The following TMEM132B variants were observed in gnomAD, a reference collection of about 807,000 sequenced individuals.
TMEM132B encodes transmembrane protein 132B.
In TMEM132B, 18 loss-of-function variants were observed where a neutral mutation model predicts 90.8. The ratio of observed to expected loss-of-function variants is 0.20; its 90% CI spans 0.14 to 0.29. The LOEUF (loss-of-function observed/expected upper bound fraction) is 0.29, where lower values mean the gene tolerates loss of function less well. TMEM132B is among the 10% of genes least tolerant of loss of function. TMEM132B has a pLI of 1.00. For missense variants in TMEM132B, 1,096 were observed against 1,326.8 expected (o/e 0.83, Z 2.70); for synonymous variants, 504 against 523.3 (o/e 0.96, Z 0.50).
chr12:125,354,282 G>A (rs551945345), intron 2 of TMEM132B, among the ~76,000 whole-genome samples: 2 of 152,348 alleles, frequency 1.3e-5, no homozygotes, highest in Admixed American at 6.5e-5. Flanking sequence ...GCCCATAGAG[G>A]TGTGCCTTAT....
At chr12:125,602,400 A>G (rs1383016275) in intron 5 of TMEM132B, among the ~76,000 whole-genome samples, 1 of 152,236 alleles carries the variant, frequency 6.6e-6, no homozygotes, top group Non-Finnish European at 1.5e-5. Context: ...AATGCCTTCG[A>G]TAAAACTCAG....
chr12:125,392,663 C>T (rs1427480620), intron 2 of TMEM132B, among the ~76,000 whole-genome samples: 1 of 152,200 alleles, frequency 6.6e-6, no homozygotes, highest in African/African-American at 2.4e-5. Context: ...CAAGAAAACC[C>T]ACGTGGCTGA....
intron 2 of TMEM132B, among the ~76,000 whole-genome samples, chr12:125,365,300 G>A (rs538817522): frequency 5.9e-5 from 9 of 151,992 alleles, no homozygotes; most frequent in Admixed American, 3.9e-4. Flanking sequence ...TCCATAAAAT[G>A]TAGATAGTAG....
At position 125,406,112 on chromosome 12, in the gene TMEM132B, G is replaced by C; in HGVS notation, c.960-9419G>C. ...GGCTGTTTGGTTAACTCAAACGTTA[G>C]TAGATATGCTTAACTAGATCTTTTT... On this transcript the variant is annotated intron_variant, in intron 2 of 8. Transcript: ENST00000682704. The surrounding 1 kb of genome is among the most constrained non-coding windows in gnomAD (Gnocchi z 8.3). 6.6e-6 allele frequency among the ~76,000 whole-genome samples: 1 copy of C among 152,170 alleles called. No homozygotes were observed. The highest frequency in any genetic ancestry group is 1.9e-4 in the East Asian group (1 of 5,192).
chr12:125,502,026 G>C (rs145450302), intron 3 of TMEM132B, among the ~76,000 whole-genome samples: 1 of 152,182 alleles, frequency 6.6e-6, no homozygotes, highest in Non-Finnish European at 1.5e-5. Context: ...ACATATGCAC[G>C]CACGAATGCA....
chr12:125,660,554 CAAAA>C lies in TMEM132B; in HGVS notation c.*5850_*5853del, dbSNP rs11435422. 6.7e-6 allele frequency: 1 copy of C among 149,776 alleles called. No individual in the cohort carries two copies. The highest frequency in any genetic ancestry group is 1.5e-5 in the Non-Finnish European group (1 of 67,422). 9.3% of individuals were successfully genotyped at this position (149,776 alleles called of 1,614,324 possible). On this transcript the variant is annotated 3_prime_UTR_variant, in exon 9 of 9. Coordinates refer to ENST00000682704, the MANE Select transcript of TMEM132B (RefSeq NM_001366854.1). ...TTGCTTTTAGAAATTTTTAAAAATA[CAAAA>C]AAAAAGCGCAGAAACATTTTCATCT... is the stretch of plus-strand genomic sequence containing the variant.
At chr12:125,259,466 G>A (rs747647998) in intron 1 of TMEM132B, among the ~76,000 whole-genome samples, 4 of 152,162 alleles carry the variant, frequency 2.6e-5, no homozygotes, top group Non-Finnish European at 4.4e-5. Flanking sequence ...GCCCAGCAAT[G>A]TCGTCAGCCT....
intron 2 of TMEM132B, among the ~76,000 whole-genome samples, chr12:125,399,737 C>T (rs1879262433): frequency 6.6e-6 from 1 of 152,100 alleles, no homozygotes; most frequent in African/African-American, 2.4e-5. Context: ...CAACAGGCAG[C>T]TCTGGGGTAA....
intron 5 of TMEM132B, among the ~76,000 whole-genome samples, chr12:125,630,783 C>T (rs549877009): frequency 1.3e-5 from 2 of 152,032 alleles, no homozygotes; most frequent in African/African-American, 4.8e-5. Context: ...TTGTTCCCTT[C>T]TTTGCGTACA....
intron 2 of TMEM132B, among the ~76,000 whole-genome samples, chr12:125,389,057 A>C (rs1028024554): frequency 2.9e-4 from 35 of 119,642 alleles, no homozygotes; most frequent in South Asian, 1.1e-3. Flanking sequence ...CACACACACA[A>C]ACACACAAGA....
At chr12:125,361,860 G>C (rs1222265858) in intron 2 of TMEM132B, among the ~76,000 whole-genome samples, 1 of 152,214 alleles carries the variant, frequency 6.6e-6, no homozygotes, top group East Asian at 1.9e-4. Flanking sequence ...TGCTTGAAGA[G>C]CCTGTGCACA....
At chr12:125,602,018 G>A (rs1470152285) in intron 5 of TMEM132B, among the ~76,000 whole-genome samples, 4 of 152,146 alleles carry the variant, frequency 2.6e-5, no homozygotes, top group Admixed American at 6.5e-5. Flanking sequence ...ATTCACAGCC[G>A]AATTCTACCA....
At chr12:125,310,645 G>C (rs1876100843) in intron 1 of TMEM132B, among the ~76,000 whole-genome samples, 1 of 152,180 alleles carries the variant, frequency 6.6e-6, no homozygotes, top group African/African-American at 2.4e-5. Context: ...CCGTGGGGCT[G>C]TCTCTCAGTG....
chr12:125,551,515 T>C (rs981158645), intron 4 of TMEM132B, among the ~76,000 whole-genome samples: 4 of 152,154 alleles, frequency 2.6e-5, no homozygotes, highest in Non-Finnish European at 4.4e-5. Flanking sequence ...TAAAGAAGAA[T>C]GAAATAAAAA....
chr12:125,209,324 C>T lies in TMEM132B; in HGVS notation c.67+22458C>T, dbSNP rs1258037034. On this transcript the variant is annotated intron_variant, in intron 1 of 8. Transcript: ENST00000682704. This position sits in a 1 kb window ranked among gnomAD's most constrained non-coding sequence, Gnocchi z 4.4. The stretch of plus-strand genomic sequence containing the variant: ...GGGCAGAGGCTCGCGGATGGACCGC[C>T]CCAGGGGATGGTGCAGTGGGCTTGC... Among the ~76,000 whole-genome samples the T allele has an allele frequency of 1.3e-5, 2 of 152,190 alleles. No individual in the cohort carries two copies. The highest frequency in any genetic ancestry group is 2.9e-5 in the Non-Finnish European group (2 of 68,022).
Position 125,363,464 on chromosome 12 carries a change from G to C in TMEM132B, c.959+13121G>C, listed in dbSNP as rs373136713. Among the ~76,000 whole-genome samples, 25 of 152,262 alleles carry C rather than the reference G, an allele frequency of 1.6e-4. No individual in the cohort carries two copies. In the South Asian group the frequency reaches 2.7e-3, roughly 16 times the overall value. Reference sequence around the variant, plus strand: ...TGAAGGTCTAGGGGCAAGCAGTGTGGGGTCTGCCTCCCCGTTGGAAATTTA... The same window carrying C: ...TGAAGGTCTAGGGGCAAGCAGTGTGCGGTCTGCCTCCCCGTTGGAAATTTA... On this transcript the variant is annotated intron_variant, in intron 2 of 8. Transcript: ENST00000682704.
intron 2 of TMEM132B, among the ~76,000 whole-genome samples, chr12:125,386,701 A>C (rs1269611378): frequency 6.6e-6 from 1 of 152,118 alleles, no homozygotes; most frequent in Non-Finnish European, 1.5e-5. Context: ...AAGTGCAAAG[A>C]CTCTGAGATG....
intron 2 of TMEM132B, among the ~76,000 whole-genome samples, chr12:125,404,785 A>G (rs1437289369): frequency 2.0e-5 from 3 of 152,176 alleles, no homozygotes; most frequent in Middle Eastern, 6.3e-3. Context: ...CCTTCCTGAC[A>G]TTCATTCCTG....
chr12:125,553,850 G>A (rs183165005), intron 4 of TMEM132B, among the ~76,000 whole-genome samples: 12 of 152,252 alleles, frequency 7.9e-5, no homozygotes, highest in Non-Finnish European at 1.6e-4. Flanking sequence ...CAGTTGCTTT[G>A]TTTTAAGTAC....
Sources: allele counts gnomAD v4.1 joint callset (sites outside exome capture counted in the v4.1 genomes callset), GRCh38; gene constraint gnomAD v4.1.1; non-coding constraint Gnocchi (gnomAD v3.1); transcripts MANE v1.5; gene names NCBI Gene and HGNC (gene_info 2026-07-23, HGNC 2026-07-21).